YEATS2: variants seen among roughly 807,000 people sequenced by gnomAD.
YEATS2 encodes the protein YEATS domain containing 2.
In YEATS2, 77 loss-of-function variants were observed where a neutral mutation model predicts 163.2. That is an observed-to-expected ratio of 0.47 (90% confidence interval 0.39 to 0.57). YEATS2 has a LOEUF of 0.57. Ranked by LOEUF, YEATS2 falls within the 20% of genes least tolerant of loss-of-function variation. The pLI, the probability that YEATS2 is intolerant of heterozygous loss-of-function variation, is 0.00. For missense variants in YEATS2, 1,549 were observed against 1,729.8 expected (o/e 0.90, Z 1.85); for synonymous variants, 631 against 645.1 (o/e 0.98, Z 0.33).
At chr3:183,748,039 GT>G (rs961167954) in intron 9 of YEATS2, among the ~76,000 whole-genome samples, 15 of 147,048 alleles carry the variant, frequency 1.0e-4, no homozygotes, top group South Asian at 4.3e-4. Flanking sequence ...ATTAGTGTTA[GT>G]TTTTTTTTTT....
chr3:183,779,863 A>G (rs1268767454), intron 19 of YEATS2, among the ~76,000 whole-genome samples: 1 of 151,718 alleles, frequency 6.6e-6, no homozygotes, highest in Non-Finnish European at 1.5e-5. Context: ...ATGTCCAGCT[A>G]ATTTTTGTAT....
chr3:183,797,745 C>T (rs891763730), intron 21 of YEATS2, among the ~76,000 whole-genome samples, 178 bp from the exon 22 acceptor site: 3 of 152,048 alleles, frequency 2.0e-5, no homozygotes, highest in Non-Finnish European at 2.9e-5. Flanking sequence ...ATTGTCATGC[C>T]GATGTTTTAT....
chr3:183,773,945 A>G, intron 17 of YEATS2, 151 bp downstream of exon 17: 1 of 905,114 alleles, frequency 1.1e-6, no homozygotes. Context: ...GATGGATTTA[A>G]CACATACGAT....
At chr3:183,734,182 T>C (rs1424177873) in intron 7 of YEATS2, among the ~76,000 whole-genome samples, 1 of 152,204 alleles carries the variant, frequency 6.6e-6, no homozygotes, top group Non-Finnish European at 1.5e-5. Flanking sequence ...TGACATTCCA[T>C]GCCCTGCACA....
rs1724048277 is a variant in YEATS2 at position 183,786,221 on chromosome 3, A to G, written c.2833A>G (p.Met945Val). ...ACAGCTCTCGAAGCCTGGAACCACA[A>G]TGCTGAGAGTAGCAGGAGGGGTTAT... is the stretch of plus-strand genomic sequence containing the variant. ...TSQLSKPGTT[M>V]LRVAGGVITT... is the part of the protein sequence containing the mutation. Residue 945 changes from methionine to valine, a missense_variant, in exon 20 of 31, where the codon ATG becomes GTG. Transcript: ENST00000305135. 1 of 1,613,992 alleles carries G rather than the reference A, an allele frequency of 6.2e-7. No individual in the cohort carries two copies. The highest frequency in any genetic ancestry group is 1.3e-5 in the African/African-American group (1 of 74,896).
At chr3:183,753,084 C>T (rs1220486083) in intron 10 of YEATS2, among the ~76,000 whole-genome samples, 1 of 152,118 alleles carries the variant, frequency 6.6e-6, no homozygotes, top group African/African-American at 2.4e-5. Flanking sequence ...AGGCATGACC[C>T]ACCACGCCTG....
At chr3:183,798,385 G>T (rs1725356902) in intron 22 of YEATS2, among the ~76,000 whole-genome samples, 2 of 152,134 alleles carry the variant, frequency 1.3e-5, no homozygotes, top group South Asian at 4.1e-4. Context: ...ACAGAGTTTT[G>T]CTCTGTCACC....
chr3:183,758,127 G>A (rs938757316), intron 12 of YEATS2, among the ~76,000 whole-genome samples: 1 of 152,316 alleles, frequency 6.6e-6, no homozygotes, highest in East Asian at 1.9e-4. Context: ...GGAGGCCAAG[G>A]TGGGCGGATC....
chr3:183,728,684 C>CT lies in YEATS2; in HGVS notation c.651-5dup. 1 of 1,572,562 alleles carries CT rather than the reference C, an allele frequency of 6.4e-7. No individual in the cohort carries two copies. On this transcript the variant is annotated splice_polypyrimidine_tract_variant and splice_region_variant and intron_variant, in intron 6 of 30. Coordinates refer to ENST00000305135, the MANE Select transcript of YEATS2 (RefSeq NM_018023.5). ...GAATTCAGGTTTCTTTTTTCTTCTT[C>CT]TCTAGGTATATACCTCCGGATAAGA...
chr3:183,707,392 A>C (rs1030753444), intron 1 of YEATS2, among the ~76,000 whole-genome samples: 1 of 152,158 alleles, frequency 6.6e-6, no homozygotes, highest in African/African-American at 2.4e-5. Flanking sequence ...TGTTGCCTGC[A>C]TCAAGAGTTC....
chr3:183,711,011 A>C (rs557630722), intron 1 of YEATS2, among the ~76,000 whole-genome samples: 5 of 152,288 alleles, frequency 3.3e-5, no homozygotes, highest in Non-Finnish European at 5.9e-5. Flanking sequence ...ATGTGTAATT[A>C]GGTGTTTTTA....
intron 4 of YEATS2, among the ~76,000 whole-genome samples, chr3:183,718,884 G>A (rs1052010200): frequency 2.0e-5 from 3 of 151,764 alleles, no homozygotes; most frequent in African/African-American, 4.8e-5. Flanking sequence ...TAGTAGAGAC[G>A]AGGTTTCACC....
chr3:183,722,455 AT>A (rs1315401860), intron 5 of YEATS2, among the ~76,000 whole-genome samples: 8 of 151,530 alleles, frequency 5.3e-5, no homozygotes, highest in African/African-American at 1.9e-4. Flanking sequence ...CGCCCGGCTA[AT>A]TTTTTTATAT....
intron 25 of YEATS2, chr3:183,802,501 G>A (rs1725761147): frequency 2.8e-5 from 4 of 141,202 alleles, no homozygotes; most frequent in African/African-American, 1.2e-4. Context: ...GTGTGTGTGT[G>A]TGTGTGTGTA....
Position 183,727,567 on chromosome 3 carries a change from T to G in YEATS2, c.651-1123T>G, listed in dbSNP as rs540149391. Among the ~76,000 whole-genome samples the G allele has an allele frequency of 3.3e-5, 5 of 152,320 alleles. No homozygotes were observed. The South Asian group carries it at 1.0e-3, about 32-fold the overall frequency. On this transcript the variant is annotated intron_variant, in intron 6 of 30. Transcript: ENST00000305135. ...CAAGAACACTCCTCAAGAGCTAGGC[T>G]GGGCAACTTGGCCCCCCCATATCAC...
At chr3:183,764,352 C>T (rs1484454148) in intron 15 of YEATS2, among the ~76,000 whole-genome samples, 2 of 110,036 alleles carry the variant, frequency 1.8e-5, no homozygotes, top group Admixed American at 1.3e-4. Context: ...GCCTGGGCAA[C>T]GAGTGAAACT....
chr3:183,794,438 A>G (rs1295218909), intron 21 of YEATS2, among the ~76,000 whole-genome samples: 1 of 152,260 alleles, frequency 6.6e-6, no homozygotes, highest in East Asian at 1.9e-4. Flanking sequence ...ATGCAAGAAC[A>G]TTACTTTCAG....
chr3:183,767,104 C>T (rs1444116324), intron 15 of YEATS2, among the ~76,000 whole-genome samples: 1 of 152,232 alleles, frequency 6.6e-6, no homozygotes, highest in Non-Finnish European at 1.5e-5. Context: ...CAGATTTCCT[C>T]ATTCTCCTGT....
chr3:183,734,351 G>A (rs369017885), intron 7 of YEATS2, among the ~76,000 whole-genome samples: 1 of 152,152 alleles, frequency 6.6e-6, no homozygotes, highest in Admixed American at 6.5e-5. Context: ...CTTATTTGCT[G>A]TGTGACCTTG....
Sources: allele counts gnomAD v4.1 joint callset (sites outside exome capture counted in the v4.1 genomes callset), GRCh38; gene constraint gnomAD v4.1.1; transcripts MANE v1.5; gene names NCBI Gene and HGNC (gene_info 2026-07-23, HGNC 2026-07-21).